Variants in RANBP10 observed in about 807,000 individuals in gnomAD.
RANBP10 encodes RAN binding protein 10.
RANBP10 carries 24 observed loss-of-function variants against 72.8 expected under a neutral mutation model. That is an observed-to-expected ratio of 0.33 (90% CI 0.24 to 0.46). The LOEUF (loss-of-function observed/expected upper bound fraction) is 0.46. Among genes scored for constraint, RANBP10 ranks in the 20% least tolerant of loss-of-function variants. RANBP10 has a pLI of 1.00. For missense variants in RANBP10, 679 were observed against 817.5 expected, an observed-to-expected ratio of 0.83 and a Z score of 2.07; for synonymous variants, 310 against 322.3, an observed-to-expected ratio of 0.96 and a Z score of 0.41.
intron 4 of RANBP10, chr16:67,739,730 C>T (rs2053929191): frequency 6.6e-6 from 1 of 152,238 alleles, no homozygotes; most frequent in Admixed American, 6.5e-5. Flanking sequence ...GATTGTGCCA[C>T]TGGGTTCCAG....
intron 2 of RANBP10, among the ~76,000 whole-genome samples, chr16:67,775,267 G>GTGA (rs2054680982): frequency 6.6e-6 from 1 of 152,034 alleles, no homozygotes; most frequent in African/African-American, 2.4e-5. Context: ...GCCAAGATCA[G>GTGA]GCCACTGCAT....
In RANBP10 at chr16:67,794,601, T is replaced by C. The variant is rs1471179290; in HGVS notation, c.347+10827A>G. ...GCAGTGGCACGATCTCGGCTCACTA[T>C]AACCTCCGCCTCCCAGGTTCAACCA... On this transcript the variant is annotated intron_variant, in intron 2 of 13. Transcript: ENST00000317506. Among the ~76,000 whole-genome samples, 4 of 143,086 alleles carry C rather than the reference T, an allele frequency of 2.8e-5. No individual in the cohort carries two copies. The East Asian group carries it at 9.3e-4, about 33-fold the overall frequency. The allele number at this position is 143,086 out of a possible 152,430, so 93.9% of individuals were successfully genotyped here. A position where few individuals can be genotyped will look rare whatever the true frequency, so the allele number is the denominator to read the frequency against.
chr16:67,727,302 A>G (rs1567669293), intron 13 of RANBP10, 25 bp downstream of exon 13: 4 of 1,582,724 alleles, frequency 2.5e-6, no homozygotes, highest in Non-Finnish European at 2.6e-6. Context: ...TGTCTCTAAT[A>G]ATAATAATAA....
intron 3 of RANBP10, among the ~76,000 whole-genome samples, chr16:67,761,747 C>A (rs2054399067): frequency 6.6e-6 from 1 of 151,944 alleles, no homozygotes; most frequent in Non-Finnish European, 1.5e-5. Flanking sequence ...TTTTTTATAT[C>A]TTTGGTAGAG....
At chr16:67,802,892 C>T (rs9928947) in intron 2 of RANBP10, among the ~76,000 whole-genome samples, 9,185 of 152,186 alleles carry the variant, frequency 0.06, 895 homozygotes, top group African/African-American at 0.21. Context: ...GAATCCAGGT[C>T]TCTAAGTGTA....
rs968271637 is a variant in RANBP10 at position 67,747,821 on chromosome 16, T to C, written c.401-3366A>G. Among the ~76,000 whole-genome samples, 66 of 147,968 alleles carry C rather than the reference T, an allele frequency of 4.5e-4. 1 individual carries two copies. The highest frequency in any genetic ancestry group is 8.9e-4 in the African/African-American group (36 of 40,354). ...CGCTTGGCCTCATTTTCTTTTCTTTTTTTTTTTTTTTTTTTTTAAGACGGA... is the reference window on the plus strand; with the variant it reads ...CGCTTGGCCTCATTTTCTTTTCTTTCTTTTTTTTTTTTTTTTTAAGACGGA... On this transcript the variant is annotated intron_variant, in intron 3 of 13. Coordinates refer to ENST00000317506, the MANE Select transcript of RANBP10 (RefSeq NM_020850.3).
intron 3 of RANBP10, among the ~76,000 whole-genome samples, chr16:67,755,013 G>A (rs2054261875): frequency 6.6e-6 from 1 of 152,162 alleles, no homozygotes; most frequent in African/African-American, 2.4e-5. Flanking sequence ...CTGTGGTCAT[G>A]TAAATAACAC....
At chr16:67,727,639 C>CA in intron 12 of RANBP10, 112 bp downstream of exon 12, 2 of 1,527,924 alleles carry the variant, frequency 1.3e-6, no homozygotes, top group South Asian at 2.4e-5. Context: ...CTTCCCTCTG[C>CA]AGACCTGGCT....
intron 6 of RANBP10, among the ~76,000 whole-genome samples, chr16:67,733,350 G>A (rs1457438691): frequency 6.6e-6 from 1 of 152,048 alleles, no homozygotes; most frequent in Non-Finnish European, 1.5e-5. Context: ...GGGCAATAGA[G>A]TAAACTCCTG....
intron 7 of RANBP10, 149 bp downstream of exon 7, chr16:67,731,320 AGGT>A: frequency 1.6e-6 from 1 of 618,478 alleles, no homozygotes; most frequent in Non-Finnish European, 2.9e-6. Flanking sequence ...GCCATCTTGA[AGGT>A]GGGACAGGAA....
At position 67,726,022 on chromosome 16, in the gene RANBP10, G is replaced by C. The variant is rs2053591703; in HGVS notation, c.*406C>G. ...TGTTTTTTACTTATGAAAATAATAAGCTATCACCAACTTGGATAGGCTTCA... is the reference window on the plus strand; with the variant it reads ...TGTTTTTTACTTATGAAAATAATAACCTATCACCAACTTGGATAGGCTTCA... On this transcript the variant is annotated 3_prime_UTR_variant, in exon 14 of 14. Transcript: ENST00000317506. 6.1e-6 allele frequency: 1 copy of C among 163,254 alleles called. No homozygotes were observed. The highest frequency in any genetic ancestry group is 2.4e-5 in the African/African-American group (1 of 40,826). 10.1% of individuals were successfully genotyped at this position (163,254 alleles called of 1,614,324 possible).
At chr16:67,795,017 G>A (rs2143019993) in intron 2 of RANBP10, among the ~76,000 whole-genome samples, 1 of 151,330 alleles carries the variant, frequency 6.6e-6, no homozygotes, top group Admixed American at 6.6e-5. Context: ...TACTCCGGGA[G>A]GCCAAGACAG....
chr16:67,743,798 G>A (rs1201418921), intron 4 of RANBP10, among the ~76,000 whole-genome samples: 2 of 152,106 alleles, frequency 1.3e-5, no homozygotes, highest in African/African-American at 4.8e-5. Flanking sequence ...CTTTTTCAAT[G>A]TAACTGCCCC....
intron 2 of RANBP10, among the ~76,000 whole-genome samples, chr16:67,785,731 C>CAAAAAA (rs61683439): frequency 2.2e-4 from 16 of 71,780 alleles, no homozygotes; most frequent in African/African-American, 3.4e-4. Flanking sequence ...GACTCCATCT[C>CAAAAAA]AAAAAAAAAA....
intron 6 of RANBP10, 107 bp downstream of exon 6, chr16:67,734,751 A>T: frequency 8.3e-7 from 1 of 1,200,978 alleles, no homozygotes; most frequent in Non-Finnish European, 1.1e-6. Flanking sequence ...CCCAGAAAGG[A>T]TCCACCCGCT....
At chr16:67,765,199 C>CAAAAAAAAAAAAAA (rs569942198) in intron 3 of RANBP10, among the ~76,000 whole-genome samples, 1 of 11,640 alleles carries the variant, frequency 8.6e-5, no homozygotes. Context: ...GACTCCATCT[C>CAAAAAAAAAAAAAA]AAAAAAAAAA....
chr16:67,789,565 A>T (rs1430350405), intron 2 of RANBP10, among the ~76,000 whole-genome samples: 2 of 151,124 alleles, frequency 1.3e-5, no homozygotes, highest in South Asian at 4.2e-4. Flanking sequence ...CACCTCCTGG[A>T]TTCAAGTGAT....
At chr16:67,736,544 G>A (rs2053851670) in intron 5 of RANBP10, among the ~76,000 whole-genome samples, 1 of 152,174 alleles carries the variant, frequency 6.6e-6, no homozygotes, top group Non-Finnish European at 1.5e-5. Flanking sequence ...TGCACACAGA[G>A]GACCTCTCGC....
intron 3 of RANBP10, among the ~76,000 whole-genome samples, chr16:67,752,638 T>G (rs2054217732): frequency 6.6e-6 from 1 of 152,096 alleles, no homozygotes; most frequent in African/African-American, 2.4e-5. Context: ...ATAAGGTATA[T>G]ACCTTATATA....
Sources: allele counts gnomAD v4.1 joint callset (sites outside exome capture counted in the v4.1 genomes callset), GRCh38; gene constraint gnomAD v4.1.1; transcripts MANE v1.5; gene names NCBI Gene and HGNC (gene_info 2026-07-23, HGNC 2026-07-21).